Variants in TUSC3 observed in about 807,000 individuals in gnomAD.
The protein encoded by TUSC3 is tumor suppressor candidate 3.
TUSC3 carries 45 observed loss-of-function variants against 44.8 expected under a neutral mutation model. The observed-to-expected ratio is 1.00, with a 90% CI of 0.79 to 1.29. TUSC3 has a LOEUF of 1.29. Among genes scored for constraint, TUSC3 ranks in the 50% most tolerant of loss-of-function variants. The probability of loss-of-function intolerance (pLI) is 0.00; values close to 1 mark genes in which losing one functional copy is unlikely to be tolerated. For synonymous variants in TUSC3, 212 were observed against 152.9 expected (o/e 1.39, Z -2.85); for missense variants, 519 against 437.9 (o/e 1.19, Z -1.65).
At chr8:15,497,950 T>G (rs948039183) in intron 2 of TUSC3, among the ~76,000 whole-genome samples, 4 of 152,198 alleles carry the variant, frequency 2.6e-5, no homozygotes, top group Middle Eastern at 3.4e-3. Flanking sequence ...GGTTTCACCA[T>G]GTTTGCCAGG....
intron 2 of TUSC3, among the ~76,000 whole-genome samples, chr8:15,532,206 T>G (rs1278981301): frequency 1.3e-5 from 2 of 152,196 alleles, no homozygotes; most frequent in Non-Finnish European, 2.9e-5. Context: ...TTCCTCTGCC[T>G]TTCTTTTTCT....
intron 3 of TUSC3, among the ~76,000 whole-genome samples, chr8:15,656,756 A>G (rs1807187103): frequency 1.3e-5 from 2 of 152,170 alleles, no homozygotes. Flanking sequence ...GATTCTTTAC[A>G]ATGGCTCTGC....
At chr8:15,487,193 T>G (rs780558635) in intron 2 of TUSC3, among the ~76,000 whole-genome samples, 6 of 152,248 alleles carry the variant, frequency 3.9e-5, no homozygotes, top group Non-Finnish European at 8.8e-5. Context: ...TTTTCTTCTT[T>G]CAATGATCTG....
intron 3 of TUSC3, among the ~76,000 whole-genome samples, chr8:15,653,385 C>G (rs1807006707): frequency 6.6e-6 from 1 of 151,996 alleles, no homozygotes; most frequent in South Asian, 2.1e-4. Flanking sequence ...TTTTTAAAAT[C>G]TTCTGTGATA....
At chr8:15,603,347 C>G (rs1014905559) in intron 1 of TUSC3, among the ~76,000 whole-genome samples, 1 of 151,496 alleles carries the variant, frequency 6.6e-6, no homozygotes, top group Admixed American at 6.6e-5. Context: ...CAACAGAATG[C>G]AAAAAGTCTG....
intron 7 of TUSC3, among the ~76,000 whole-genome samples, chr8:15,743,221 AT>A (rs1811269577): frequency 6.6e-6 from 1 of 152,222 alleles, no homozygotes; most frequent in South Asian, 2.1e-4. Flanking sequence ...GCATATCTTT[AT>A]GTATAATGTG....
the TUSC3 span, among the ~76,000 whole-genome samples, chr8:15,783,914 G>A: frequency 6.6e-6 from 1 of 152,106 alleles, no homozygotes; most frequent in African/African-American, 2.4e-5. Flanking sequence ...TGAAGAGAAC[G>A]CACAGATGGG....
At chr8:15,546,690 C>T (rs991997857) in intron 1 of TUSC3, among the ~76,000 whole-genome samples, 3 of 151,486 alleles carry the variant, frequency 2.0e-5, no homozygotes, top group African/African-American at 7.3e-5. Flanking sequence ...CATACGCCAC[C>T]ATGCCTGGCT....
At chr8:15,641,021 G>C (rs918824859) in intron 2 of TUSC3, among the ~76,000 whole-genome samples, 1 of 151,856 alleles carries the variant, frequency 6.6e-6, no homozygotes, top group Admixed American at 6.6e-5. Flanking sequence ...TGTATACTGA[G>C]TGTGTTATAT....
At chr8:15,644,160 G>A (rs1313763175) in intron 2 of TUSC3, among the ~76,000 whole-genome samples, 1 of 151,930 alleles carries the variant, frequency 6.6e-6, no homozygotes, top group Non-Finnish European at 1.5e-5. Context: ...AAAGATTGTA[G>A]CATTTAGATT....
At chr8:15,742,645 C>T (rs1811244071) in intron 7 of TUSC3, among the ~76,000 whole-genome samples, 1 of 152,092 alleles carries the variant, frequency 6.6e-6, no homozygotes, top group Non-Finnish European at 1.5e-5. Context: ...ACACAAATAG[C>T]AGTAGAAAGA....
At chr8:15,583,759 A>AT (rs539622519) in intron 1 of TUSC3, among the ~76,000 whole-genome samples, 30 of 152,168 alleles carry the variant, frequency 2.0e-4, no homozygotes, top group Middle Eastern at 3.4e-3. Context: ...ATTAAAATGG[A>AT]TTTTTTTTCT....
chr8:15,802,027 A>T, the TUSC3 span, among the ~76,000 whole-genome samples: 1 of 152,274 alleles, frequency 6.6e-6, no homozygotes, highest in South Asian at 2.1e-4. Flanking sequence ...AATCTTGGCC[A>T]ATATTTAAAT....
At chr8:15,737,486 G>A (rs1422695378) in intron 7 of TUSC3, among the ~76,000 whole-genome samples, 1 of 152,112 alleles carries the variant, frequency 6.6e-6, no homozygotes. Flanking sequence ...TGACTAAGCA[G>A]TAGGAAAATG....
chr8:15,543,910 TTGTGTGTGTGTGTG>T (rs34091995), intron 1 of TUSC3, among the ~76,000 whole-genome samples: 1 of 148,810 alleles, frequency 6.7e-6, no homozygotes, highest in African/African-American at 2.5e-5. Context: ...TCCCATGGAT[TTGTGTGTGTGTGTG>T]TGTGTGTGTG....
At chr8:15,711,053 G>T (rs79250575) in intron 6 of TUSC3, among the ~76,000 whole-genome samples, 4,722 of 151,546 alleles carry the variant, frequency 0.031, 201 homozygotes, top group African/African-American at 0.11. Flanking sequence ...CTAAATTCAG[G>T]CTTGTCTCTG....
At chr8:15,478,117 C>T (rs1800606922) in intron 1 of TUSC3, among the ~76,000 whole-genome samples, 2 of 152,040 alleles carry the variant, frequency 1.3e-5, no homozygotes, top group Non-Finnish European at 2.9e-5. Context: ...CCACCATGCC[C>T]AGCTAACTTT....
intron 2 of TUSC3, among the ~76,000 whole-genome samples, chr8:15,641,756 T>C (rs985882003): frequency 6.6e-6 from 1 of 152,248 alleles, no homozygotes; most frequent in Non-Finnish European, 1.5e-5. Context: ...AAAATTCATG[T>C]GTTACCTATG....
At chr8:15,493,516 GC>G (rs1800838191) in intron 2 of TUSC3, among the ~76,000 whole-genome samples, 1 of 152,102 alleles carries the variant, frequency 6.6e-6, no homozygotes. Flanking sequence ...TCCCATCCCT[GC>G]CTCCCAAAGT....
Sources: allele counts gnomAD v4.1 joint callset (sites outside exome capture counted in the v4.1 genomes callset), GRCh38; gene constraint gnomAD v4.1.1; transcripts MANE v1.5; gene names NCBI Gene and HGNC (gene_info 2026-07-23, HGNC 2026-07-21).